The following RBMS3 variants were observed in gnomAD, a reference collection of about 807,000 sequenced individuals.
RBMS3 encodes RNA-binding motif, single-stranded-interacting protein 3.
In RBMS3, 27 loss-of-function variants were observed where a neutral mutation model predicts 66.8. That is an observed-to-expected ratio of 0.40 (90% confidence interval 0.30 to 0.56). RBMS3 has a LOEUF of 0.56. RBMS3 is among the 20% of genes least tolerant of loss of function. The pLI is 0.40. For synonymous variants in RBMS3, 188 were observed against 183.0 expected, an observed-to-expected ratio of 1.03 and a Z score of -0.22; for missense variants, 513 against 549.5, an observed-to-expected ratio of 0.93 and a Z score of 0.66.
chr3:29,409,763 T>G (rs2040186263), intron 1 of RBMS3, among the ~76,000 whole-genome samples: 1 of 152,234 alleles, frequency 6.6e-6, no homozygotes, highest in Non-Finnish European at 1.5e-5. Context: ...TGTGGTTCAC[T>G]TGAAGCATCA....
chr3:29,338,802 G>A (rs2036111982), intron 1 of RBMS3, among the ~76,000 whole-genome samples: 1 of 150,836 alleles, frequency 6.6e-6, no homozygotes, highest in African/African-American at 2.4e-5. Flanking sequence ...ACTTTTGCAT[G>A]AGTAATGTCT....
chr3:29,427,617 T>A (rs1051309248), intron 1 of RBMS3, among the ~76,000 whole-genome samples: 3 of 152,246 alleles, frequency 2.0e-5, no homozygotes, highest in African/African-American at 7.2e-5. Context: ...TAAGGTAGTA[T>A]GTATTCATTT....
intron 12 of RBMS3, among the ~76,000 whole-genome samples, chr3:29,949,021 T>A (rs1300503190): frequency 6.6e-6 from 1 of 151,740 alleles, no homozygotes; most frequent in South Asian, 2.1e-4. Context: ...AAAATAGGCA[T>A]GTGAATGCTG....
intron 8 of RBMS3, among the ~76,000 whole-genome samples, chr3:29,893,646 A>G (rs1257915151): frequency 6.6e-6 from 1 of 151,524 alleles, no homozygotes; most frequent in Non-Finnish European, 1.5e-5. Flanking sequence ...TAAGACCTAG[A>G]AGGAATTTTC....
intron 6 of RBMS3, among the ~76,000 whole-genome samples, chr3:29,848,790 A>G (rs2058854517): frequency 6.6e-6 from 1 of 152,212 alleles, no homozygotes; most frequent in African/African-American, 2.4e-5. Context: ...TTTGTTTTTA[A>G]ACAGACTTGT....
chr3:29,590,590 A>G (rs1274213177), intron 4 of RBMS3, among the ~76,000 whole-genome samples: 2 of 151,972 alleles, frequency 1.3e-5, no homozygotes, highest in African/African-American at 4.8e-5. Flanking sequence ...TTTTTTCTGA[A>G]TGTTTAACAC....
At chr3:29,353,198 A>G (rs1003130892) in intron 1 of RBMS3, among the ~76,000 whole-genome samples, 6 of 151,646 alleles carry the variant, frequency 4.0e-5, no homozygotes, top group African/African-American at 1.5e-4. Context: ...TCTTTCTCTT[A>G]TCTGATTGCA....
At chr3:29,549,064 T>G (rs1170790765) in intron 3 of RBMS3, among the ~76,000 whole-genome samples, 1 of 147,902 alleles carries the variant, frequency 6.8e-6, no homozygotes, top group Non-Finnish European at 1.5e-5. Flanking sequence ...CTTCTGTTTT[T>G]TTTTTTTTTT....
chr3:29,487,424 A>G (rs1047173044), intron 2 of RBMS3, among the ~76,000 whole-genome samples: 2 of 152,228 alleles, frequency 1.3e-5, no homozygotes, highest in East Asian at 1.9e-4. Flanking sequence ...TAAACTGTAA[A>G]TGTAATTATC....
chr3:29,979,806 G>A (rs1420765994), intron 12 of RBMS3, among the ~76,000 whole-genome samples: 1 of 152,178 alleles, frequency 6.6e-6, no homozygotes, highest in Non-Finnish European at 1.5e-5. Context: ...TGGTGTATAT[G>A]TGCCACATTT....
chr3:29,791,591 T>C (rs2057015809), intron 6 of RBMS3, among the ~76,000 whole-genome samples: 1 of 152,238 alleles, frequency 6.6e-6, no homozygotes, highest in African/African-American at 2.4e-5. Flanking sequence ...TTACTGTTTA[T>C]CATTAGGAGG....
In RBMS3 at chr3:29,604,089, C is replaced by T. The variant is rs540199463; in HGVS notation, c.399+16884C>T. On this transcript the variant is annotated intron_variant, in intron 4 of 14. Transcript: ENST00000383767. ...ATTTTTGCTACAATAAAGAATTATT[C>T]GGTCTAAAATATCAATAATGTCAAG... 2.6e-5 allele frequency among the ~76,000 whole-genome samples: 4 copies of T among 151,928 alleles called. No individual in the cohort carries two copies. The East Asian group carries it at 7.8e-4, about 29-fold the overall frequency.
intron 6 of RBMS3, among the ~76,000 whole-genome samples, chr3:29,838,173 C>CAAAA (rs71091080): frequency 3.6e-5 from 3 of 83,020 alleles, no homozygotes; most frequent in East Asian, 4.6e-4. Context: ...CTCATCTCTA[C>CAAAA]AAAAAAAAAA....
At chr3:29,935,892 G>A (rs2061253391) in intron 10 of RBMS3, among the ~76,000 whole-genome samples, 194 bp from the exon 11 acceptor site, 1 of 152,148 alleles carries the variant, frequency 6.6e-6, no homozygotes, top group South Asian at 2.1e-4. Context: ...AAAGGAAGAT[G>A]TTAATGCCAT....
intron 2 of RBMS3, among the ~76,000 whole-genome samples, chr3:29,470,698 G>A (rs1002085461): frequency 1.3e-5 from 2 of 151,974 alleles, no homozygotes; most frequent in Non-Finnish European, 2.9e-5. Context: ...TTAGTTTGAA[G>A]TTTATTGGAA....
intron 1 of RBMS3, among the ~76,000 whole-genome samples, chr3:29,392,408 C>A (rs1264126976): frequency 6.6e-6 from 1 of 152,164 alleles, no homozygotes; most frequent in African/African-American, 2.4e-5. Flanking sequence ...TGGAAAATAT[C>A]ACTCATGAGA....
In RBMS3 at chr3:29,461,472, A is replaced by G. The variant is rs541010066; in HGVS notation, c.248+26557A>G. On this transcript the variant is annotated intron_variant, in intron 2 of 14. Transcript: ENST00000383767. Reference sequence around the variant, plus strand: ...AAAGTGCCAATTTTGGTTTCACACAATTCCAAAAACTGTTTACAAACTGTT... The same window carrying G: ...AAAGTGCCAATTTTGGTTTCACACAGTTCCAAAAACTGTTTACAAACTGTT... Among the ~76,000 whole-genome samples, 3 of 152,332 alleles carry G rather than the reference A, an allele frequency of 2.0e-5. No individual in the cohort carries two copies. The East Asian group carries it at 5.8e-4, about 29-fold the overall frequency.
chr3:29,714,082 C>CA (rs1487025252), intron 4 of RBMS3, among the ~76,000 whole-genome samples: 1 of 145,918 alleles, frequency 6.9e-6, no homozygotes, highest in Non-Finnish European at 1.5e-5. Flanking sequence ...GAAAAGAAAA[C>CA]AAAAAACTAT....
chr3:29,420,502 T>C (rs2040666586), intron 1 of RBMS3, among the ~76,000 whole-genome samples: 1 of 152,204 alleles, frequency 6.6e-6, no homozygotes, highest in Non-Finnish European at 1.5e-5. Context: ...TTCTCCGAAA[T>C]GACGTGACTC....
Sources: gnomAD v4.1 joint callset for allele counts (sites outside exome capture counted in the v4.1 genomes callset) on GRCh38, gnomAD v4.1.1 for gene constraint, MANE v1.5 for transcripts, NCBI Gene and HGNC (gene_info 2026-07-23, HGNC 2026-07-21) for gene names.